The following KCNIP1 variants were observed in gnomAD, a reference collection of about 807,000 sequenced individuals.
KCNIP1 encodes A-type potassium channel modulatory protein KCNIP1.
In KCNIP1, 18 loss-of-function variants were observed where a neutral mutation model predicts 33.0. The observed-to-expected ratio is 0.55, with a 90% CI of 0.38 to 0.81. The LOEUF (loss-of-function observed/expected upper bound fraction) is 0.81. Among genes scored for constraint, KCNIP1 ranks in the 30% least tolerant of loss-of-function variants. The pLI is 0.00. For synonymous variants in KCNIP1, 93 were observed against 98.3 expected (o/e 0.95, Z 0.32); for missense variants, 238 against 271.6 (o/e 0.88, Z 0.87).
intron 1 of KCNIP1, among the ~76,000 whole-genome samples, chr5:170,584,484 G>A (rs146620870): frequency 2.0e-3 from 306 of 152,266 alleles, no homozygotes; most frequent in African/African-American, 7.1e-3. Context: ...GAAGCCTGAG[G>A]GTCGTGAAAG....
intron 5 of KCNIP1, among the ~76,000 whole-genome samples, chr5:170,731,901 A>AG (rs1353495329): frequency 0.011 from 222 of 19,538 alleles, 4 homozygotes; most frequent in Admixed American, 0.054. Flanking sequence ...AAAAAAAAAA[A>AG]AGAAAAGCTG....
At chr5:170,522,961 A>G (rs1755420133) in intron 1 of KCNIP1, among the ~76,000 whole-genome samples, 1 of 152,234 alleles carries the variant, frequency 6.6e-6, no homozygotes, top group African/African-American at 2.4e-5. Flanking sequence ...AATGAGTCTG[A>G]CACTCGCCAG....
At chr5:170,501,943 C>G (rs1757421497), upstream of KCNIP1, among the ~76,000 whole-genome samples, 1 of 152,196 alleles carries the variant, frequency 6.6e-6, no homozygotes, top group Non-Finnish European at 1.5e-5. Flanking sequence ...CCTCCCTGGC[C>G]TGGACAAGCC....
intron 1 of KCNIP1, chr5:170,385,467 C>T: frequency 3.1e-6 from 5 of 1,613,984 alleles, no homozygotes; most frequent in Non-Finnish European, 4.2e-6. Flanking sequence ...GGGCAGTGAT[C>T]ATTTCTAGGT....
At chr5:170,353,797 G>A (rs904674926) in exon 1 of KCNIP1, 2 of 1,316,822 alleles carry the variant, frequency 1.5e-6, no homozygotes, top group East Asian at 2.3e-5. Flanking sequence ...ACCCAGGCAG[G>A]CTCCAAGTTC....
In KCNIP1 at chr5:170,715,186, C is replaced by T. The variant is rs188589055; in HGVS notation, c.62-3572C>T. On this transcript the variant is annotated intron_variant, in intron 1 of 7. Coordinates refer to ENST00000328939, the MANE Select transcript of KCNIP1 (RefSeq NM_014592.4). Reference sequence around the variant, plus strand: ...GCCTACAGTATTCAGTACAATAACACACTGTACAGGTTTATAGCCTAGGAG... The same window carrying T: ...GCCTACAGTATTCAGTACAATAACATACTGTACAGGTTTATAGCCTAGGAG... Among the ~76,000 whole-genome samples, 70 of 152,274 alleles carry T rather than the reference C, an allele frequency of 4.6e-4. 1 individual carries two copies. Among genetic ancestry groups the T allele is most frequent in the Admixed American group, 2.1e-3 (32 of 15,296 alleles).
At position 170,518,397 on chromosome 5, in the gene KCNIP1, C is replaced by T. The variant is rs1755231682; in HGVS notation, c.61+13764C>T. On this transcript the variant is annotated intron_variant, in intron 1 of 7. Coordinates refer to ENST00000328939, the MANE Select transcript of KCNIP1 (RefSeq NM_014592.4). ...ATGCCTTCAGATTTCTTCTCTTATT[C>T]CTGGTTGGTACTTTCAGAATCATTT... Among the ~76,000 whole-genome samples, 4 of 152,278 alleles carry T rather than the reference C, an allele frequency of 2.6e-5. No homozygotes were observed. The South Asian group carries it at 8.3e-4, about 32-fold the overall frequency.
At chr5:170,572,620 T>G (rs1026688399) in intron 1 of KCNIP1, among the ~76,000 whole-genome samples, 3 of 152,268 alleles carry the variant, frequency 2.0e-5, no homozygotes, top group African/African-American at 7.2e-5. Flanking sequence ...CAATGATTAA[T>G]CGCCTCTCAG....
chr5:170,496,628 C>T (rs892915484), intron 1 of KCNIP1, among the ~76,000 whole-genome samples: 1 of 152,196 alleles, frequency 6.6e-6, no homozygotes, highest in Non-Finnish European at 1.5e-5. Flanking sequence ...GAGACTAAAG[C>T]AGGGGAGGAA....
chr5:170,612,964 G>A (rs989330157), intron 1 of KCNIP1, among the ~76,000 whole-genome samples: 11 of 152,102 alleles, frequency 7.2e-5, no homozygotes, highest in Admixed American at 2.0e-4. Context: ...GTTCCTCTGC[G>A]CCCCAGGGCT....
intron 1 of KCNIP1, among the ~76,000 whole-genome samples, chr5:170,664,094 G>A (rs1761606835): frequency 6.6e-6 from 1 of 151,944 alleles, no homozygotes; most frequent in Non-Finnish European, 1.5e-5. Flanking sequence ...CACTCCCAAG[G>A]CCTTGTGATC....
At chr5:170,573,785 T>C (rs910115930) in intron 1 of KCNIP1, among the ~76,000 whole-genome samples, 1 of 152,156 alleles carries the variant, frequency 6.6e-6, no homozygotes, top group Non-Finnish European at 1.5e-5. Context: ...GACAGTGGAG[T>C]TGAGTCATTG....
intron 1 of KCNIP1, among the ~76,000 whole-genome samples, chr5:170,670,786 C>T (rs1269711336): frequency 6.6e-6 from 1 of 152,084 alleles, no homozygotes; most frequent in Non-Finnish European, 1.5e-5. Flanking sequence ...GTCCCAGCTA[C>T]TCAGGAGACT....
intron 1 of KCNIP1, among the ~76,000 whole-genome samples, chr5:170,411,144 G>A (rs966561907): frequency 1.3e-5 from 2 of 152,228 alleles, no homozygotes. Context: ...CAAGATGATT[G>A]CATCCAAGCG....
chr5:170,733,775 G>T, intron 6 of KCNIP1, 61 bp from the exon 7 acceptor site: 1 of 1,349,734 alleles, frequency 7.4e-7, no homozygotes, highest in South Asian at 1.2e-5. Context: ...GAAAGCAGGG[G>T]AGTAAGCTTT....
At chr5:170,442,980 G>A (rs942249157) in intron 1 of KCNIP1, among the ~76,000 whole-genome samples, 2 of 152,200 alleles carry the variant, frequency 1.3e-5, no homozygotes, top group Admixed American at 1.3e-4. Flanking sequence ...TGGGGTCCTC[G>A]TACCCAGAGC....
chr5:170,519,936 CAG>C (rs908296703), intron 1 of KCNIP1, among the ~76,000 whole-genome samples: 23 of 151,994 alleles, frequency 1.5e-4, no homozygotes, highest in African/African-American at 4.3e-4. Flanking sequence ...CAAGCAAAGA[CAG>C]GGGGTGAGCG....
chr5:170,359,720 C>T (rs1290273923), intron 1 of KCNIP1, among the ~76,000 whole-genome samples: 2 of 152,178 alleles, frequency 1.3e-5, no homozygotes, highest in African/African-American at 2.4e-5. Context: ...TGTCCAGTAG[C>T]CTTCATCCCA....
At chr5:170,539,931 T>C (rs574553132) in intron 1 of KCNIP1, among the ~76,000 whole-genome samples, 1 of 152,274 alleles carries the variant, frequency 6.6e-6, no homozygotes, top group Non-Finnish European at 1.5e-5. Flanking sequence ...TCAGGGTAAA[T>C]AAAAATGTAT....
Sources: gnomAD v4.1 joint callset for allele counts (sites outside exome capture counted in the v4.1 genomes callset) on GRCh38, gnomAD v4.1.1 for gene constraint, MANE v1.5 for transcripts, NCBI Gene and HGNC (gene_info 2026-07-23, HGNC 2026-07-21) for gene names.